Variants in IFT74 observed in about 807,000 individuals in gnomAD.
IFT74 encodes intraflagellar transport protein 74 homolog.
In IFT74, 92 loss-of-function variants were observed where a neutral mutation model predicts 96.7. The ratio of observed to expected loss-of-function variants is 0.95; its 90% CI spans 0.80 to 1.13. The LOEUF is 1.13. Ranked by LOEUF, IFT74 falls within the 50% of genes most tolerant of loss-of-function variation. The pLI, the probability that IFT74 is intolerant of heterozygous loss-of-function variation, is 0.00. For missense variants in IFT74, 811 were observed against 698.2 expected (o/e 1.16, Z -1.82); for synonymous variants, 223 against 213.2 (o/e 1.05, Z -0.40).
intron 8 of IFT74, chr9:26,998,231 CA>C (rs753871937): frequency 1.8e-5 from 26 of 1,449,094 alleles, no homozygotes; most frequent in Non-Finnish European, 2.1e-5. Context: ...AGTAAAATTA[CA>C]TTGGACTTCC....
At chr9:26,962,926 AT>A (rs370313745) in intron 2 of IFT74, among the ~76,000 whole-genome samples, 25,809 of 136,436 alleles carry the variant, frequency 0.19, 2,464 homozygotes, top group African/African-American at 0.28. Context: ...AACTTTACTA[AT>A]TTTTTTTTTT....
intron 2 of IFT74, among the ~76,000 whole-genome samples, chr9:26,969,117 A>G (rs1826765778): frequency 6.6e-6 from 1 of 151,948 alleles, no homozygotes; most frequent in Non-Finnish European, 1.5e-5. Context: ...TTTCCATTGT[A>G]ATTTGTTTCA....
chr9:26,983,236 T>C (rs1827465674), intron 4 of IFT74, among the ~76,000 whole-genome samples: 1 of 152,218 alleles, frequency 6.6e-6, no homozygotes, highest in Non-Finnish European at 1.5e-5. Flanking sequence ...ATCAGTTGTT[T>C]AGTATCTCTG....
chr9:27,055,500 C>A (rs1820120525), intron 16 of IFT74, 109 bp from the exon 17 acceptor site: 2 of 730,160 alleles, frequency 2.7e-6, no homozygotes, highest in East Asian at 3.3e-5. Flanking sequence ...ACATATATTT[C>A]TTTTACAGAT....
chr9:27,056,284 G>T (rs1284403573), intron 17 of IFT74, 50 bp from the exon 18 acceptor site: 1 of 1,338,570 alleles, frequency 7.5e-7, no homozygotes, highest in South Asian at 1.3e-5. Flanking sequence ...ATTTATATTG[G>T]CTTACTACAT....
At chr9:27,013,980 C>G (rs1223449976) in intron 10 of IFT74, among the ~76,000 whole-genome samples, 1 of 152,170 alleles carries the variant, frequency 6.6e-6, no homozygotes, top group East Asian at 1.9e-4. Flanking sequence ...CTTTGGGAGG[C>G]CAAGGCAGGC....
Position 27,036,315 on chromosome 9 carries a change from G to A in IFT74, c.1054+7211G>A, listed in dbSNP as rs535754645. The A allele has an allele frequency of 1.2e-5, 15 of 1,253,930 alleles. No individual in the cohort carries two copies. The East Asian group carries it at 3.5e-4, about 29-fold the overall frequency. The allele number at this position is 1,253,930 out of a possible 1,614,324, so 77.7% of individuals were successfully genotyped here. ...TCAAGGGTCAACTGTATTTCCCAGA[G>A]AATGTATATTTAGAAAATTGGGTGA... On this transcript the variant is annotated intron_variant, in intron 13 of 19. Transcript: ENST00000380062.
Position 27,050,124 on chromosome 9 carries a change from C to T in IFT74, c.1333+1850C>T, listed in dbSNP as rs111310118. ...CCAGGCTGGAGTGCAGTGGCGTGAT[C>T]ACAGCTCACTGCAGCATTTACTTCC... On this transcript the variant is annotated intron_variant, in intron 16 of 19. Coordinates refer to ENST00000380062, the MANE Select transcript of IFT74 (RefSeq NM_025103.4). Among the ~76,000 whole-genome samples, 13 of 152,212 alleles carry T rather than the reference C, an allele frequency of 8.5e-5. 2 individuals carry two copies. Among genetic ancestry groups the T allele is most frequent in the African/African-American group, 3.1e-4 (13 of 41,518 alleles).
At chr9:27,060,529 A>G (rs1820367532) in intron 18 of IFT74, 62 bp from the exon 19 acceptor site, 3 of 1,090,836 alleles carry the variant, frequency 2.8e-6, no homozygotes, top group African/African-American at 1.6e-5. Flanking sequence ...TTATCCTCTT[A>G]GAAAGGCATT....
At chr9:27,016,785 G>C (rs927962611) in intron 10 of IFT74, 122 bp from the exon 11 acceptor site, 1 of 621,350 alleles carries the variant, frequency 1.6e-6, no homozygotes, top group African/African-American at 1.8e-5. Context: ...AATGATATTT[G>C]CTGTCTGTAT....
At position 26,962,040 on chromosome 9, in the gene IFT74, CCTT is replaced by C. The variant is rs1826388311; in HGVS notation, c.76_78del (p.Ser26del). Reference sequence around the variant, plus strand: ...TGGAGTTGGGTTAACAGGAAGGCCTCCTTCTGGGATACGACCCCTATCAGGAAA... The same window carrying C: ...TGGAGTTGGGTTAACAGGAAGGCCTCCTGGGATACGACCCCTATCAGGAAA... On this transcript the variant is annotated inframe_deletion, in exon 2 of 20. Coordinates refer to ENST00000380062, the MANE Select transcript of IFT74 (RefSeq NM_025103.4). 1 of 1,614,168 alleles carries C rather than the reference CCTT, an allele frequency of 6.2e-7. No individual in the cohort carries two copies. The highest frequency in any genetic ancestry group is 8.5e-7 in the Non-Finnish European group (1 of 1,180,004).
At position 26,956,504 on chromosome 9, in the gene IFT74, C is replaced by G. The variant is rs1451684901; in HGVS notation, c.-32C>G. ...GCGAGCCGGGCAACTGCCCTCCTTC[C>G]GCGCCGGCGGAGGTGAGAATCCCCG... On this transcript the variant is annotated 5_prime_UTR_variant, in exon 1 of 20. Transcript: ENST00000380062. 1 of 152,382 alleles carries G rather than the reference C, an allele frequency of 6.6e-6. No individual in the cohort carries two copies. Among genetic ancestry groups the G allele is most frequent in the South Asian group, 2.1e-4 (1 of 4,832 alleles). The allele number at this position is 152,382 out of a possible 1,614,324, so 9.4% of individuals were successfully genotyped here.
chr9:27,060,221 A>G (rs1239456384), intron 18 of IFT74, among the ~76,000 whole-genome samples: 2 of 152,194 alleles, frequency 1.3e-5, no homozygotes, highest in African/African-American at 2.4e-5. Context: ...TTGAATATGT[A>G]TTATATTTGT....
At chr9:26,978,974 TC>T (rs1445465252) in intron 3 of IFT74, among the ~76,000 whole-genome samples, 1 of 152,248 alleles carries the variant, frequency 6.6e-6, no homozygotes, top group East Asian at 1.9e-4. Context: ...CTTTTTCTTT[TC>T]TTTTTATCAT....
At chr9:26,968,466 T>C (rs1312030018) in intron 2 of IFT74, among the ~76,000 whole-genome samples, 1 of 152,154 alleles carries the variant, frequency 6.6e-6, no homozygotes, top group Non-Finnish European at 1.5e-5. Context: ...TTCACCATGT[T>C]GGTCAGGCTA....
chr9:26,968,496 G>A (rs1370079338), intron 2 of IFT74, among the ~76,000 whole-genome samples: 1 of 152,096 alleles, frequency 6.6e-6, no homozygotes, highest in Non-Finnish European at 1.5e-5. Flanking sequence ...TCCTGACCTC[G>A]TGATCCGCCC....
At chr9:26,980,739 G>C in intron 4 of IFT74, 120 bp downstream of exon 4, 2 of 603,088 alleles carry the variant, frequency 3.3e-6, no homozygotes, top group South Asian at 4.6e-5. Flanking sequence ...GGATAATTAG[G>C]TATCTATTGA....
rs76349155 is a variant in IFT74 at position 27,047,414 on chromosome 9, C to T, written c.1206+43C>T. 1.3e-5 allele frequency: 16 copies of T among 1,217,482 alleles called. No homozygotes were observed. The East Asian group carries it at 1.8e-4, about 14-fold the overall frequency. 75.4% of individuals were successfully genotyped at this position (1,217,482 alleles called of 1,614,324 possible). ...GTCTTGGTGTCCTCTTTATTTTTGC[C>T]GTGATTAACTTTCCAAATACAACTC... On this transcript the variant is annotated intron_variant, in intron 15 of 19. Coordinates refer to ENST00000380062, the MANE Select transcript of IFT74 (RefSeq NM_025103.4).
intron 2 of IFT74, among the ~76,000 whole-genome samples, chr9:26,977,168 C>T (rs765895170): frequency 3.9e-5 from 6 of 151,976 alleles, no homozygotes; most frequent in Admixed American, 2.0e-4. Flanking sequence ...TTTTAAAAGA[C>T]GGTCTCTCTA....
Sources: allele counts gnomAD v4.1 joint callset (sites outside exome capture counted in the v4.1 genomes callset), GRCh38; gene constraint gnomAD v4.1.1; transcripts MANE v1.5; gene names NCBI Gene and HGNC (gene_info 2026-07-23, HGNC 2026-07-21).